The following TRABD2B variants were observed in gnomAD, a reference collection of about 807,000 sequenced individuals.
TRABD2B encodes the protein metalloprotease TIKI2.
TRABD2B carries 14 observed loss-of-function variants against 40.1 expected under a neutral mutation model. The observed-to-expected ratio is 0.35, with a 90% CI of 0.23 to 0.55. The LOEUF is 0.55. TRABD2B is among the 20% of genes least tolerant of loss of function. TRABD2B has a pLI of 0.90. For synonymous variants in TRABD2B, 263 were observed against 277.0 expected (o/e 0.95, Z 0.50); for missense variants, 541 against 648.6 (o/e 0.83, Z 1.80).
intron 2 of TRABD2B, among the ~76,000 whole-genome samples, chr1:47,945,781 A>G (rs1645252528): frequency 6.6e-6 from 1 of 152,174 alleles, no homozygotes; most frequent in South Asian, 2.1e-4. Flanking sequence ...ATTTGGATAC[A>G]CCACAGTGTG....
chr1:47,956,381 G>A (rs1231999134), intron 2 of TRABD2B, among the ~76,000 whole-genome samples: 1 of 152,184 alleles, frequency 6.6e-6, no homozygotes, highest in East Asian at 1.9e-4. Context: ...TGCAGCCCAT[G>A]GAGCATGAGC....
At chr1:47,792,976 G>T (rs907534940) in intron 4 of TRABD2B, among the ~76,000 whole-genome samples, 1 of 152,086 alleles carries the variant, frequency 6.6e-6, no homozygotes, top group African/African-American at 2.4e-5. Flanking sequence ...CAGCTGGATG[G>T]TGAGGGAGTG....
At chr1:47,923,907 T>TACACACACACAC (rs1268599311) in intron 2 of TRABD2B, among the ~76,000 whole-genome samples, 3 of 64,148 alleles carry the variant, frequency 4.7e-5, no homozygotes, top group African/African-American at 1.7e-4. Context: ...TCTACACACA[T>TACACACACACAC]ACACACATAC....
intron 2 of TRABD2B, among the ~76,000 whole-genome samples, chr1:47,961,733 G>T (rs1246453820): frequency 2.6e-5 from 4 of 152,138 alleles, no homozygotes; most frequent in Non-Finnish European, 4.4e-5. Flanking sequence ...GAGAGGATGT[G>T]GAGAAATAGG....
chr1:47,974,638 T>C lies in TRABD2B; in HGVS notation c.666+19396A>G, dbSNP rs139537340. Among the ~76,000 whole-genome samples, 584 of 152,366 alleles carry C rather than the reference T, an allele frequency of 3.8e-3. 4 individuals are homozygous for C. The highest frequency in any genetic ancestry group is 6.1e-3 in the Non-Finnish European group (413 of 68,038). Reference sequence around the variant, plus strand: ...ACTACATTTTCAGCATCTGTACCAGTGCCCAGTGCAGACTGAGCCTTCAAA... The same window carrying C: ...ACTACATTTTCAGCATCTGTACCAGCGCCCAGTGCAGACTGAGCCTTCAAA... On this transcript the variant is annotated intron_variant, in intron 2 of 6. Coordinates refer to ENST00000606738, the MANE Select transcript of TRABD2B (RefSeq NM_001194986.2).
intron 2 of TRABD2B, among the ~76,000 whole-genome samples, chr1:47,931,061 T>A (rs560696079): frequency 1.3e-5 from 2 of 152,338 alleles, no homozygotes; most frequent in South Asian, 2.1e-4. Flanking sequence ...TGAGACCTTT[T>A]CTGTATTATC....
In TRABD2B at chr1:47,994,377, T is replaced by C. The variant is rs1443682325; in HGVS notation, c.323A>G (p.Asn108Ser). The C allele has an allele frequency of 3.3e-6, 5 of 1,536,092 alleles. No individual in the cohort carries two copies. In the Admixed American group the frequency reaches 9.8e-5, roughly 30 times the overall value. ...ASCQLLPHGE[N>S]LQDVLPHELY... ...CTCGTGGGGCAGCACGTCCTGCAGG[T>C]TTTCCCCGTGCGGCAGCAGCTGGCA... The change falls in exon 2 of 7, where the codon AAC (asparagine) becomes AGC (serine). Residue 108 changes from asparagine to serine, a missense_variant. This residue lies in a region of TRABD2B where 369 missense variants were observed against 492.8 expected (regional missense o/e 0.75). Transcript: ENST00000606738. This position sits in a 1 kb window ranked among gnomAD's most constrained non-coding sequence, Gnocchi z 6.7.
chr1:47,820,687 C>T (rs1489274615), intron 2 of TRABD2B, among the ~76,000 whole-genome samples: 2 of 151,952 alleles, frequency 1.3e-5, no homozygotes, highest in African/African-American at 4.8e-5. Flanking sequence ...CCCACTTTCC[C>T]CTGTTGGTCT....
At chr1:47,957,590 G>A (rs563386778) in intron 2 of TRABD2B, among the ~76,000 whole-genome samples, 16 of 152,080 alleles carry the variant, frequency 1.1e-4, no homozygotes, top group Non-Finnish European at 2.1e-4. Context: ...TAGCCGATTC[G>A]ATCAACTGGA....
chr1:47,947,351 A>C (rs932871990), intron 2 of TRABD2B, among the ~76,000 whole-genome samples: 3 of 152,210 alleles, frequency 2.0e-5, no homozygotes, highest in African/African-American at 7.2e-5. Context: ...AGAAAGGCCA[A>C]GGACCTCACC....
intron 2 of TRABD2B, among the ~76,000 whole-genome samples, chr1:47,812,862 A>T (rs1213385286): frequency 1.3e-5 from 2 of 152,212 alleles, no homozygotes; most frequent in African/African-American, 4.8e-5. Flanking sequence ...GCCATGGACC[A>T]TGCACTCAAC....
intron 2 of TRABD2B, among the ~76,000 whole-genome samples, chr1:47,907,234 G>C (rs1644690893): frequency 6.6e-6 from 1 of 152,164 alleles, no homozygotes; most frequent in Admixed American, 6.5e-5. Flanking sequence ...TCATGACCAG[G>C]GATTTGTTCA....
chr1:47,786,789 A>G (rs1389658701), intron 4 of TRABD2B, among the ~76,000 whole-genome samples: 3 of 152,078 alleles, frequency 2.0e-5, no homozygotes, highest in Admixed American at 2.0e-4. Flanking sequence ...CAGCCTTGAC[A>G]TCTGGGCTCA....
intron 2 of TRABD2B, among the ~76,000 whole-genome samples, chr1:47,914,268 G>T (rs1040728228): frequency 6.6e-6 from 1 of 152,246 alleles, no homozygotes; most frequent in Non-Finnish European, 1.5e-5. Context: ...CTAGCCCAGG[G>T]AATGCAAGCA....
At chr1:47,768,687 G>T (rs192564897) in intron 6 of TRABD2B, among the ~76,000 whole-genome samples, 1 of 152,140 alleles carries the variant, frequency 6.6e-6, no homozygotes, top group East Asian at 1.9e-4. Flanking sequence ...TATATGTAAC[G>T]TGCTTTGAAC....
intron 2 of TRABD2B, among the ~76,000 whole-genome samples, chr1:47,821,991 G>A (rs557970900): frequency 1.4e-4 from 22 of 152,236 alleles, no homozygotes; most frequent in Middle Eastern, 3.4e-3. Flanking sequence ...GTGTTCTCTC[G>A]TAGACATTCA....
At chr1:47,883,922 T>C (rs1453945483) in intron 2 of TRABD2B, among the ~76,000 whole-genome samples, 2 of 152,214 alleles carry the variant, frequency 1.3e-5, no homozygotes, top group African/African-American at 4.8e-5. Context: ...TCCTGAGCCA[T>C]GATCTCTCTC....
chr1:47,963,109 G>A (rs1645545958), intron 2 of TRABD2B, among the ~76,000 whole-genome samples: 1 of 152,210 alleles, frequency 6.6e-6, no homozygotes, highest in Non-Finnish European at 1.5e-5. Context: ...TCTGTGCCAG[G>A]GCAGTGAGCA....
At chr1:47,972,072 G>T (rs1272451572) in intron 2 of TRABD2B, among the ~76,000 whole-genome samples, 1 of 152,052 alleles carries the variant, frequency 6.6e-6, no homozygotes, top group Non-Finnish European at 1.5e-5. Context: ...GAGACTTTCT[G>T]GCAAAAATAA....
Sources: allele counts gnomAD v4.1 joint callset (sites outside exome capture counted in the v4.1 genomes callset), GRCh38; gene constraint gnomAD v4.1.1; regional missense constraint gnomAD v4.1.1; non-coding constraint Gnocchi (gnomAD v3.1); transcripts MANE v1.5; gene names NCBI Gene and HGNC (gene_info 2026-07-23, HGNC 2026-07-21).